SGMS1: variants seen among roughly 807,000 people sequenced by gnomAD.
SGMS1 encodes phosphatidylcholine:ceramide cholinephosphotransferase 1.
In SGMS1, 13 loss-of-function variants were observed where a neutral mutation model predicts 46.2. The ratio of observed to expected loss-of-function variants is 0.28; its 90% confidence interval spans 0.18 to 0.45. The LOEUF is 0.45. Ranked by LOEUF, SGMS1 falls within the 20% of genes least tolerant of loss-of-function variation. The probability of loss-of-function intolerance (pLI) is 1.00; values close to 1 mark genes in which losing one functional copy is unlikely to be tolerated. For synonymous variants in SGMS1, 203 were observed against 187.8 expected (o/e 1.08, Z -0.66); for missense variants, 324 against 519.9 (o/e 0.62, Z 3.66).
In SGMS1 at chr10:50,582,225, A is replaced by C. The variant is rs181882393; in HGVS notation, c.-589+7928T>G. ...CTTCCAATGTCCTGAGTCCACAGTA[A>C]ATAATACAAAGAAATCACTATTGTC... On this transcript the variant is annotated intron_variant, in intron 2 of 10. Coordinates refer to ENST00000361781, the MANE Select transcript of SGMS1 (RefSeq NM_147156.4). 4.2e-3 allele frequency among the ~76,000 whole-genome samples: 647 copies of C among 152,316 alleles called. 5 individuals carry two copies. The highest frequency in any genetic ancestry group is 7.0e-3 in the Non-Finnish European group (478 of 68,030).
intron 6 of SGMS1, among the ~76,000 whole-genome samples, chr10:50,352,833 T>G (rs978674566): frequency 6.6e-6 from 1 of 151,970 alleles, no homozygotes; most frequent in Non-Finnish European, 1.5e-5. Flanking sequence ...AACTAGAAAA[T>G]CTAGAAGAAA....
intron 5 of SGMS1, among the ~76,000 whole-genome samples, chr10:50,444,902 C>T (rs1024712041): frequency 6.6e-6 from 1 of 151,946 alleles, no homozygotes; most frequent in Non-Finnish European, 1.5e-5. Flanking sequence ...TTTTGAAAGA[C>T]AAAGTTAAGA....
intron 1 of SGMS1, among the ~76,000 whole-genome samples, chr10:50,610,884 G>A (rs1352345062): frequency 1.3e-5 from 2 of 152,170 alleles, no homozygotes; most frequent in Admixed American, 6.5e-5. Context: ...AAAGCTGCCA[G>A]TCTCCACAAT....
intron 9 of SGMS1, among the ~76,000 whole-genome samples, chr10:50,309,748 T>A (rs1322360644): frequency 6.6e-6 from 1 of 152,162 alleles, no homozygotes; most frequent in Non-Finnish European, 1.5e-5. Context: ...GAAGTGCATC[T>A]CTCTTCCCTT....
intron 8 of SGMS1, among the ~76,000 whole-genome samples, chr10:50,325,721 C>A (rs949217082): frequency 6.6e-6 from 1 of 152,098 alleles, no homozygotes; most frequent in African/African-American, 2.4e-5. Flanking sequence ...CATGGTACGG[C>A]CCCTCAATAC....
chr10:50,529,785 T>C (rs544138106), intron 2 of SGMS1, among the ~76,000 whole-genome samples: 86 of 152,290 alleles, frequency 5.6e-4, no homozygotes, highest in African/African-American at 2.0e-3. Flanking sequence ...GGGCCAACAA[T>C]GGTTGAATGG....
At chr10:50,416,008 C>T (rs116528318) in intron 6 of SGMS1, among the ~76,000 whole-genome samples, 284 of 152,190 alleles carry the variant, frequency 1.9e-3, no homozygotes, top group African/African-American at 6.7e-3. Context: ...AACACTAAGG[C>T]GGCCATGTGC....
At chr10:50,621,809 T>C (rs1838852522) in intron 1 of SGMS1, among the ~76,000 whole-genome samples, 1 of 152,266 alleles carries the variant, frequency 6.6e-6, no homozygotes. Context: ...GCCACTTCAC[T>C]GTTTTTACAT....
At chr10:50,477,162 G>A (rs1837434956) in intron 3 of SGMS1, among the ~76,000 whole-genome samples, 1 of 152,276 alleles carries the variant, frequency 6.6e-6, no homozygotes, top group Non-Finnish European at 1.5e-5. Flanking sequence ...GAGCCCTGCA[G>A]AGCCACAAGA....
chr10:50,359,564 C>T (rs1848213633), intron 6 of SGMS1, among the ~76,000 whole-genome samples: 1 of 152,068 alleles, frequency 6.6e-6, no homozygotes. Context: ...AGAGTCCTGG[C>T]ACCAGCAACA....
At chr10:50,327,878 GACTACC>G (rs1422791877) in intron 7 of SGMS1, among the ~76,000 whole-genome samples, 2 of 152,128 alleles carry the variant, frequency 1.3e-5, no homozygotes, top group African/African-American at 4.8e-5. Flanking sequence ...CCCATTCCTT[GACTACC>G]ACTGCAGCTT....
intron 6 of SGMS1, chr10:50,418,008 C>A (rs1332569929): frequency 1.3e-5 from 2 of 152,256 alleles, no homozygotes; most frequent in Non-Finnish European, 2.9e-5. Context: ...TTAATCGGTT[C>A]ACACCGTCTG....
chr10:50,459,611 C>T (rs1184975882), intron 5 of SGMS1, among the ~76,000 whole-genome samples: 3 of 152,162 alleles, frequency 2.0e-5, no homozygotes, highest in African/African-American at 7.2e-5. Flanking sequence ...ACCATGTTGG[C>T]CAGGCTGGTC....
At chr10:50,500,486 T>A (rs1837653096) in intron 3 of SGMS1, among the ~76,000 whole-genome samples, 1 of 152,026 alleles carries the variant, frequency 6.6e-6, no homozygotes, top group African/African-American at 2.4e-5. Flanking sequence ...ACCAAAAGGG[T>A]ACTAATTCAC....
chr10:50,600,469 C>T (rs776168336), intron 1 of SGMS1, among the ~76,000 whole-genome samples: 7 of 152,146 alleles, frequency 4.6e-5, no homozygotes, highest in Non-Finnish European at 8.8e-5. Context: ...AATGCAAATA[C>T]AAATAGAAGG....
intron 8 of SGMS1, among the ~76,000 whole-genome samples, chr10:50,311,750 C>T (rs1847257239): frequency 6.6e-6 from 1 of 152,146 alleles, no homozygotes. Flanking sequence ...TTTAGTATAA[C>T]TATCATTTGG....
intron 6 of SGMS1, among the ~76,000 whole-genome samples, chr10:50,368,190 A>C (rs1331638435): frequency 6.6e-6 from 1 of 152,184 alleles, no homozygotes; most frequent in Non-Finnish European, 1.5e-5. Context: ...TTTTCATGCA[A>C]ACATACTGCA....
intron 1 of SGMS1, among the ~76,000 whole-genome samples, chr10:50,591,662 G>A (rs569651779): frequency 2.7e-4 from 41 of 152,290 alleles, no homozygotes; most frequent in Non-Finnish European, 5.1e-4. Context: ...GCATCACACT[G>A]CATCGCTGGC....
chr10:50,547,015 AC>A (rs1195392626), intron 2 of SGMS1, among the ~76,000 whole-genome samples: 4 of 152,194 alleles, frequency 2.6e-5, no homozygotes, highest in African/African-American at 9.6e-5. Flanking sequence ...AATAGGTATT[AC>A]TGTTCAGAAA....
Sources: allele counts gnomAD v4.1 joint callset (sites outside exome capture counted in the v4.1 genomes callset), GRCh38; gene constraint gnomAD v4.1.1; transcripts MANE v1.5; gene names NCBI Gene and HGNC (gene_info 2026-07-23, HGNC 2026-07-21).